Variants in QRFPR observed in about 807,000 individuals in gnomAD.
The protein encoded by QRFPR is pyroglutamylated RFamide peptide receptor.
Under a neutral mutation model 31.3 loss-of-function variants are expected in QRFPR, and 37 were observed. The ratio of observed to expected loss-of-function variants is 1.18; its 90% CI spans 0.91 to 1.56. QRFPR has a LOEUF of 1.56. Ranked by LOEUF, QRFPR falls within the 40% of genes most tolerant of loss-of-function variation. QRFPR has a pLI of 0.00. For missense variants in QRFPR, 542 were observed against 532.5 expected, an observed-to-expected ratio of 1.02 and a Z score of -0.18; for synonymous variants, 197 against 192.0, an observed-to-expected ratio of 1.03 and a Z score of -0.22.
chr4:121,346,838 T>C (rs1725659775), intron 1 of QRFPR, among the ~76,000 whole-genome samples: 2 of 152,208 alleles, frequency 1.3e-5, no homozygotes, highest in South Asian at 4.1e-4. Context: ...ACACTGATTT[T>C]GGAATTTGAG....
chr4:121,335,180 T>A (rs1384276120), intron 3 of QRFPR, among the ~76,000 whole-genome samples: 1 of 152,182 alleles, frequency 6.6e-6, no homozygotes, highest in Non-Finnish European at 1.5e-5. Flanking sequence ...AAAAAATATT[T>A]AGGGTATTTT....
In QRFPR at chr4:121,369,777, A is replaced by C. The variant is rs956728498; in HGVS notation, c.340+10531T>G. Reference sequence around the variant, plus strand: ...GCTGTGGAAGAACCAGAAGTGAACCAGCCCCTGGGTCTCTGCTTAGGTGAA... The same window carrying C: ...GCTGTGGAAGAACCAGAAGTGAACCCGCCCCTGGGTCTCTGCTTAGGTGAA... On this transcript the variant is annotated intron_variant, in intron 1 of 5. Transcript: ENST00000394427. 5.2e-5 allele frequency: 82 copies of C among 1,586,960 alleles called. No homozygotes were observed. In the Middle Eastern group the frequency reaches 6.8e-4, roughly 13 times the overall value.
Position 121,373,827 on chromosome 4 carries a change from C to G in QRFPR, c.340+6481G>C, listed in dbSNP as rs56024041. Among the ~76,000 whole-genome samples, 1,522 of 152,306 alleles carry G rather than the reference C, an allele frequency of 1.0e-2. 20 individuals are homozygous for G. Among genetic ancestry groups the G allele is most frequent in the Non-Finnish European group, 0.012 (794 of 68,014 alleles). ...TCAGCTCTCAATCTCTAAAAACACA[C>G]CCTAACATTTCATGTTGTGTACAGT... On this transcript the variant is annotated intron_variant, in intron 1 of 5. Coordinates refer to ENST00000394427, the MANE Select transcript of QRFPR (RefSeq NM_198179.3).
At chr4:121,332,364 C>A (rs1725343173) in intron 4 of QRFPR, among the ~76,000 whole-genome samples, 1 of 152,140 alleles carries the variant, frequency 6.6e-6, no homozygotes, top group Admixed American at 6.5e-5. Context: ...AAAGGATTTT[C>A]ATACAGATCA....
chr4:121,380,428 T>G lies in QRFPR; in HGVS notation c.220A>C (p.Lys74Gln). The G allele has an allele frequency of 6.2e-7, 1 of 1,614,224 alleles. No individual in the cohort carries two copies. Among genetic ancestry groups the G allele is most frequent in the Non-Finnish European group, 8.5e-7 (1 of 1,180,044 alleles). ...ALVFYVVTRS[K>Q]AMRTVTNIFI... ...ATGTTGGTGACGGTGCGCATGGCCT[T>G]GCTGCGGGTCACCACGTAGAACACC... The change falls in exon 1 of 6, where the codon AAG becomes CAG. Residue 74 changes from lysine to glutamine, a missense_variant. Physicochemically the swap from Lys to Gln is moderately conservative, Grantham distance 53. Coordinates refer to ENST00000394427, the MANE Select transcript of QRFPR (RefSeq NM_198179.3).
chr4:121,349,930 A>G (rs1206706011), intron 1 of QRFPR, among the ~76,000 whole-genome samples: 1 of 152,232 alleles, frequency 6.6e-6, no homozygotes, highest in Non-Finnish European at 1.5e-5. Flanking sequence ...AGAAAAATGC[A>G]GGTAAAATTT....
chr4:121,357,706 T>A (rs924276670), intron 1 of QRFPR, among the ~76,000 whole-genome samples: 3 of 152,220 alleles, frequency 2.0e-5, no homozygotes, highest in Non-Finnish European at 1.5e-5. Context: ...TAGGGCATGC[T>A]TGGGGACTTA....
At chr4:121,366,439 C>G (rs1274286465) in intron 1 of QRFPR, among the ~76,000 whole-genome samples, 1 of 149,856 alleles carries the variant, frequency 6.7e-6, no homozygotes, top group African/African-American at 2.5e-5. Flanking sequence ...GTGTGACATT[C>G]AATCCTAGGT....
chr4:121,336,676 A>G, intron 3 of QRFPR, 131 bp downstream of exon 3: 1 of 759,436 alleles, frequency 1.3e-6, no homozygotes, highest in South Asian at 1.5e-5. Context: ...TTCCACTTAA[A>G]AGACCTCCAG....
intron 2 of QRFPR, among the ~76,000 whole-genome samples, chr4:121,339,120 G>T (rs77847565): frequency 0.019 from 2,873 of 152,310 alleles, 42 homozygotes; most frequent in South Asian, 0.042. Flanking sequence ...GCATTGCAAA[G>T]CCTGCAGGGG....
intron 3 of QRFPR, chr4:121,334,351 A>G (rs1280689021): frequency 1.9e-5 from 3 of 154,786 alleles, no homozygotes; most frequent in Non-Finnish European, 4.4e-5. Context: ...CCAAACATAC[A>G]CTTCTCTAAA....
At position 121,380,624 on chromosome 4, in the gene QRFPR, C is replaced by T; in HGVS notation, c.24G>A (p.Pro8=). The change falls in exon 1 of 6, where the codon CCG becomes CCA. Residue 8 remains proline, a synonymous_variant. Transcript: ENST00000394427. MQALNIT[P]EQFSRLLRDH... ...CCCGCAGCAGCCGAGAGAACTGCTC[C>T]GGGGTAATGTTAAGCGCCTGCATTG... The T allele has an allele frequency of 1.3e-6, 2 of 1,584,608 alleles. No homozygotes were observed. The highest frequency in any genetic ancestry group is 1.1e-5 in the South Asian group (1 of 87,692).
At chr4:121,370,263 C>T (rs1460441617) in intron 1 of QRFPR, 7 of 782,502 alleles carry the variant, frequency 8.9e-6, no homozygotes, top group Admixed American at 1.7e-5. Context: ...GAGTGCCCGG[C>T]GGTATATCCT....
At chr4:121,354,627 T>A (rs1354435985) in intron 1 of QRFPR, among the ~76,000 whole-genome samples, 1 of 152,090 alleles carries the variant, frequency 6.6e-6, no homozygotes. Context: ...CTTTTTCTTG[T>A]TTCAGATCTT....
In QRFPR at chr4:121,355,343, T is replaced by C. The variant is rs2110476654; in HGVS notation, c.341-14733A>G. 1.3e-5 allele frequency among the ~76,000 whole-genome samples: 2 copies of C among 152,238 alleles called. 1 individual carries two copies. Among genetic ancestry groups the C allele is most frequent in the South Asian group, 4.1e-4 (2 of 4,828 alleles). ...ATTTATCCATTTCTTCTAGGACTTC[T>C]AATGTATTGTCATACAGTTTCTCAT... On this transcript the variant is annotated intron_variant, in intron 1 of 5. Coordinates refer to ENST00000394427, the MANE Select transcript of QRFPR (RefSeq NM_198179.3).
At chr4:121,357,339 G>T (rs958512950) in intron 1 of QRFPR, among the ~76,000 whole-genome samples, 1 of 152,028 alleles carries the variant, frequency 6.6e-6, no homozygotes, top group African/African-American at 2.4e-5. Flanking sequence ...ATGAAAGCAA[G>T]AATAGTCAAG....
chr4:121,342,623 GTTT>G (rs1187450890), intron 1 of QRFPR, among the ~76,000 whole-genome samples: 2 of 151,560 alleles, frequency 1.3e-5, no homozygotes, highest in East Asian at 1.9e-4. Context: ...CTGCTAATTT[GTTT>G]TTTATTTTTA....
intron 1 of QRFPR, among the ~76,000 whole-genome samples, chr4:121,343,554 C>T (rs1487124331): frequency 6.6e-6 from 1 of 152,176 alleles, no homozygotes; most frequent in Non-Finnish European, 1.5e-5. Context: ...TGAATAGTTA[C>T]TATACTGTGA....
At chr4:121,369,153 C>T (rs1227404542) in intron 1 of QRFPR, among the ~76,000 whole-genome samples, 13 of 152,138 alleles carry the variant, frequency 8.5e-5, no homozygotes, top group African/African-American at 3.1e-4. Flanking sequence ...CTCAGCCTCC[C>T]AAGTAGCTGG....
Sources: gnomAD v4.1 joint callset for allele counts (sites outside exome capture counted in the v4.1 genomes callset) on GRCh38, gnomAD v4.1.1 for gene constraint, MANE v1.5 for transcripts, NCBI Gene and HGNC (gene_info 2026-07-23, HGNC 2026-07-21) for gene names.